Variants in ZNF81 observed in about 807,000 individuals in gnomAD.
The protein encoded by ZNF81 is zinc finger protein 81.
In ZNF81, 5 loss-of-function variants were observed where a neutral mutation model predicts 32.3. The ratio of observed to expected loss-of-function variants is 0.15; its 90% CI spans 0.08 to 0.33. The LOEUF (loss-of-function observed/expected upper bound fraction) is 0.33. Among genes scored for constraint, ZNF81 ranks in the 10% least tolerant of loss-of-function variants. ZNF81 has a pLI of 1.00. For missense variants in ZNF81, 379 were observed against 479.8 expected (o/e 0.79, Z 1.96); for synonymous variants, 163 against 166.8 (o/e 0.98, Z 0.17).
intron 3 of ZNF81, among the ~76,000 whole-genome samples, chrX:47,894,226 A>ACTGAC (rs1556886870): frequency 9.0e-6 from 1 of 111,241 alleles, no homozygotes; most frequent in African/African-American, 3.3e-5. Flanking sequence ...TTGTTACTAA[A>ACTGAC]CTGACCTGAC....
At chrX:47,888,154 A>G in intron 3 of ZNF81, 29 bp downstream of exon 3, 1 of 1,199,630 alleles carries the variant, frequency 8.3e-7, no homozygotes. Flanking sequence ...TGAAGTTGTG[A>G]GGAGCCTGTT....
At chrX:47,864,982 A>G (rs989335552) in intron 2 of ZNF81, among the ~76,000 whole-genome samples, 102 of 112,250 alleles carry the variant, frequency 9.1e-4, no homozygotes, top group African/African-American at 3.2e-3. Flanking sequence ...GAGCACCCAC[A>G]TCCATTCTCA....
In ZNF81 at chrX:47,917,087, G is replaced by A. The variant is rs191380891; in HGVS notation, c.*455G>A. 7.4e-5 allele frequency: 21 copies of A among 283,609 alleles called. No homozygotes were observed. The East Asian group carries it at 9.8e-4, about 13-fold the overall frequency. 23.4% of individuals were successfully genotyped at this position (283,609 alleles called of 1,213,427 possible). ...GTAGACCTACTTTCAGTTCCATAGG[G>A]TGTTTGTGGCAGAACACAGTGCAGA... On this transcript the variant is annotated 3_prime_UTR_variant, in exon 5 of 5. Coordinates refer to ENST00000338637, the MANE Select transcript of ZNF81 (RefSeq NM_007137.5).
At chrX:47,856,093 T>C (rs1414969261) in intron 2 of ZNF81, among the ~76,000 whole-genome samples, 1 of 109,105 alleles carries the variant, frequency 9.2e-6, no homozygotes, top group Non-Finnish European at 1.9e-5. Flanking sequence ...GTATGTTTGC[T>C]TTTTTCAAGT....
chrX:47,919,111 G>T lies in ZNF81; in HGVS notation c.*2479G>T. On this transcript the variant is annotated 3_prime_UTR_variant, in exon 5 of 5. Coordinates refer to ENST00000338637, the MANE Select transcript of ZNF81 (RefSeq NM_007137.5). Reference sequence around the variant, plus strand: ...AGCTTGATGCCACAATTTTGGATGAGAAATTTGGAGGTCCTGGAATAGGGG... The same window carrying T: ...AGCTTGATGCCACAATTTTGGATGATAAATTTGGAGGTCCTGGAATAGGGG... 1 of 325,268 alleles carries T rather than the reference G, an allele frequency of 3.1e-6. No homozygotes were observed. Among genetic ancestry groups the T allele is most frequent in the South Asian group, 2.7e-5 (1 of 37,168 alleles). 26.8% of individuals were successfully genotyped at this position (325,268 alleles called of 1,213,427 possible). A position where few individuals can be genotyped will look rare whatever the true frequency, so the allele number is the denominator to read the frequency against.
Position 47,918,052 on chromosome X carries a change from G to A in ZNF81, c.*1420G>A, listed in dbSNP as rs181529195. ...TGGGAAGATAGAGAATGGACCAAAC[G>A]AACTGGTGGATCTGGCTAAGGAGAT... On this transcript the variant is annotated 3_prime_UTR_variant, in exon 5 of 5. Coordinates refer to ENST00000338637, the MANE Select transcript of ZNF81 (RefSeq NM_007137.5). 1.5e-3 allele frequency: 167 copies of A among 111,270 alleles called. No individual in the cohort carries two copies. The highest frequency in any genetic ancestry group is 5.3e-3 in the African/African-American group (161 of 30,658). The allele number at this position is 111,270 out of a possible 1,213,427, so 9.2% of individuals were successfully genotyped here.
At chrX:47,882,969 G>A (rs1027828516) in intron 2 of ZNF81, among the ~76,000 whole-genome samples, 8 of 112,657 alleles carry the variant, frequency 7.1e-5, no homozygotes, top group Non-Finnish European at 1.5e-4. Flanking sequence ...CAGCCAGGGT[G>A]ACAGAGCAAG....
rs781801535 is a variant in ZNF81, at chrX:47,851,090, A to G, written c.54+4769A>G. Among the ~76,000 whole-genome samples, 4 of 112,196 alleles carry G rather than the reference A, an allele frequency of 3.6e-5. No homozygotes were observed. The South Asian group carries it at 1.5e-3, about 41-fold the overall frequency. On this transcript the variant is annotated intron_variant, in intron 2 of 4. Transcript: ENST00000338637. ...CCTTTACAAGGCTACGTCTTATTCT[A>G]TTATATGAATATATCAAAATATGCT...
chrX:47,916,627 A>G lies in ZNF81; in HGVS notation c.1981A>G (p.Thr661Ala). Reference protein sequence around the residue: ...SVLSMHRNIHT With the variant: ...SVLSMHRNIHA The stretch of plus-strand genomic sequence containing the variant: ...TCTCAGTATGCATCGCAATATTCAT[A>G]CATGAAAGTAATCCTGTTTCTTGAA... Residue 661 changes from threonine to alanine, a missense_variant, in exon 5 of 5, where the codon ACA (threonine) becomes GCA (alanine). By Grantham distance (58) the Thr-to-Ala change is moderately conservative. This residue lies in a region of ZNF81 where 102 missense variants were observed against 173.2 expected (regional missense o/e 0.59). Transcript: ENST00000338637. The G allele has an allele frequency of 8.3e-7, 1 of 1,200,852 alleles. No individual in the cohort carries two copies. Among genetic ancestry groups the G allele is most frequent in the Non-Finnish European group, 1.1e-6 (1 of 891,386 alleles).
chrX:47,858,553 G>A (rs2058526466), intron 2 of ZNF81, among the ~76,000 whole-genome samples: 1 of 111,063 alleles, frequency 9.0e-6, no homozygotes, highest in Non-Finnish European at 1.9e-5. Flanking sequence ...CCTTTGTCTT[G>A]TTTCATTCTT....
chrX:47,846,669 A>T (rs1394300048), intron 2 of ZNF81, among the ~76,000 whole-genome samples: 3 of 111,389 alleles, frequency 2.7e-5, no homozygotes, highest in African/African-American at 9.8e-5. Flanking sequence ...TAGTTCTCTA[A>T]GTCTTGTTTA....
In ZNF81 at chrX:47,879,211, T is replaced by C. The variant is rs1376423516; in HGVS notation, c.55-8788T>C. 9.8e-5 allele frequency among the ~76,000 whole-genome samples: 11 copies of C among 111,814 alleles called. No individual in the cohort carries two copies. The Admixed American group carries it at 1.0e-3, about 11-fold the overall frequency. Reference sequence around the variant, plus strand: ...ATAATATATTCACAGGTTCCAGGGATTAGACGATGGACATCCATGGCAGGG... The same window carrying C: ...ATAATATATTCACAGGTTCCAGGGACTAGACGATGGACATCCATGGCAGGG... On this transcript the variant is annotated intron_variant, in intron 2 of 4. Transcript: ENST00000338637.
At chrX:47,846,422 G>A in intron 2 of ZNF81, 101 bp downstream of exon 2, 1 of 1,006,459 alleles carries the variant, frequency 9.9e-7, no homozygotes, top group South Asian at 2.0e-5. Flanking sequence ...TTTTTAGCAG[G>A]CAGGAAAATT....
chrX:47,887,088 GCCCA>G (rs2058644760), intron 2 of ZNF81, among the ~76,000 whole-genome samples: 1 of 111,004 alleles, frequency 9.0e-6, no homozygotes, highest in East Asian at 2.8e-4. Context: ...CTTCACTTTC[GCCCA>G]TTGAATCACA....
chrX:47,841,841 C>T lies in ZNF81; in HGVS notation c.-163-4264C>T, dbSNP rs2148002165. 1.1e-5 allele frequency: 4 copies of T among 356,339 alleles called. No individual in the cohort carries two copies. In the East Asian group the frequency reaches 1.9e-4, roughly 17 times the overall value. 29.4% of individuals were successfully genotyped at this position (356,339 alleles called of 1,213,427 possible). On this transcript the variant is annotated intron_variant, in intron 1 of 4. Coordinates refer to ENST00000338637, the MANE Select transcript of ZNF81 (RefSeq NM_007137.5). Reference sequence around the variant, plus strand: ...GTTTTCAATTTCATTGATTTCTGCTCTTGTATTTATTACTTCCTTCCGCTT... The same window carrying T: ...GTTTTCAATTTCATTGATTTCTGCTTTTGTATTTATTACTTCCTTCCGCTT...
intron 2 of ZNF81, among the ~76,000 whole-genome samples, chrX:47,885,045 C>T (rs1041049260): frequency 4.5e-5 from 5 of 111,904 alleles, no homozygotes; most frequent in African/African-American, 1.6e-4. Flanking sequence ...TCAAAGAACT[C>T]CTAACATTTA....
intron 2 of ZNF81, among the ~76,000 whole-genome samples, chrX:47,880,439 C>T (rs1226938066): frequency 8.9e-6 from 1 of 112,018 alleles, no homozygotes; most frequent in African/African-American, 3.2e-5. Context: ...GTCTCAAATG[C>T]CTGGGCTGAA....
In ZNF81 at chrX:47,908,920, G is replaced by T. The variant is rs1411352243; in HGVS notation, c.278-6004G>T. Among the ~76,000 whole-genome samples, 6 of 111,865 alleles carry T rather than the reference G, an allele frequency of 5.4e-5. No individual in the cohort carries two copies. The East Asian group carries it at 1.7e-3, about 31-fold the overall frequency. Reference sequence around the variant, plus strand: ...TACCGCTGAGAGTCAATTATTGACAGGAAAGGGCCACCAGAGAACTTTCTG... The same window carrying T: ...TACCGCTGAGAGTCAATTATTGACATGAAAGGGCCACCAGAGAACTTTCTG... On this transcript the variant is annotated intron_variant, in intron 4 of 4. Coordinates refer to ENST00000338637, the MANE Select transcript of ZNF81 (RefSeq NM_007137.5).
rs782215830 is a variant in ZNF81, at chrX:47,915,087, C to A, written c.441C>A (p.Asn147Lys). The A allele has an allele frequency of 1.7e-6, 2 of 1,209,188 alleles. No homozygotes were observed. Among genetic ancestry groups the A allele is most frequent in the Admixed American group, 4.4e-5 (2 of 45,637 alleles). ...TAAAGAGATGTCAGGAAAAACACAACAAACTTCTGAGTCGCACTACTTTCC... is the reference window on the plus strand; with the variant it reads ...TAAAGAGATGTCAGGAAAAACACAAAAAACTTCTGAGTCGCACTACTTTCC... ...EQIKRCQEKH[N>K]KLLSRTTFLN... Residue 147 changes from asparagine to lysine, a missense_variant, in exon 5 of 5, where the codon AAC becomes AAA. By Grantham distance (94) the Asn-to-Lys change is moderately conservative (BLOSUM62 0). Transcript: ENST00000338637.
Sources: allele counts gnomAD v4.1 joint callset (sites outside exome capture counted in the v4.1 genomes callset), GRCh38; gene constraint gnomAD v4.1.1; regional missense constraint gnomAD v4.1.1; transcripts MANE v1.5; gene names NCBI Gene and HGNC (gene_info 2026-07-23, HGNC 2026-07-21).